Variants in MYO3B observed in about 807,000 individuals in gnomAD.
The protein encoded by MYO3B is myosin IIIB.
In MYO3B, 156 loss-of-function variants were observed where a neutral mutation model predicts 174.6. The ratio of observed to expected loss-of-function variants is 0.89; its 90% CI spans 0.78 to 1.02. The LOEUF is 1.02. MYO3B is among the 50% of genes least tolerant of loss of function. The pLI is 0.00. For synonymous variants in MYO3B, 563 were observed against 569.1 expected (o/e 0.99, Z 0.15); for missense variants, 1,632 against 1,639.4 (o/e 1.00, Z 0.08).
intron 30 of MYO3B, among the ~76,000 whole-genome samples, chr2:170,521,566 C>T (rs1575111073): frequency 6.6e-6 from 1 of 152,096 alleles, no homozygotes; most frequent in Non-Finnish European, 1.5e-5. Flanking sequence ...TTCGGCTGTC[C>T]TTCCTTCCTT....
rs1690288004 is a variant in MYO3B, at chr2:170,543,854, G to A, written c.3637-38G>A. 2.6e-6 allele frequency: 4 copies of A among 1,546,666 alleles called. No homozygotes were observed. In the African/African-American group the frequency reaches 5.4e-5, roughly 21 times the overall value. On this transcript the variant is annotated intron_variant, in intron 31 of 34. Transcript: ENST00000408978. ...TGTCCTTAAGGCTGTTTCATCAGAG[G>A]ATAAGAATAATATTTCTCTTACTGG...
At position 170,522,064 on chromosome 2, in the gene MYO3B, ATTC is replaced by A. The variant is rs1688701452; in HGVS notation, c.3575+2532_3575+2534del. Among the ~76,000 whole-genome samples the A allele has an allele frequency of 3.3e-5, 5 of 152,104 alleles. No homozygotes were observed. In the South Asian group the frequency reaches 1.0e-3, roughly 32 times the overall value. On this transcript the variant is annotated intron_variant, in intron 30 of 34. Transcript: ENST00000408978. ...CTCAGTCTTTGTTTTCTCTGGTTCCATTCTTCTTCTCTTCCGCTTACCATTAAA... is the reference window on the plus strand; with the variant it reads ...CTCAGTCTTTGTTTTCTCTGGTTCCATTCTTCTCTTCCGCTTACCATTAAA...
intron 7 of MYO3B, among the ~76,000 whole-genome samples, chr2:170,256,486 A>G (rs781011488): frequency 6.6e-6 from 1 of 152,152 alleles, no homozygotes; most frequent in Non-Finnish European, 1.5e-5. Context: ...TATTTTCACC[A>G]TTTTTCAAAG....
intron 23 of MYO3B, among the ~76,000 whole-genome samples, chr2:170,446,748 AGGTTTAT>A (rs1042717107): frequency 5.9e-5 from 9 of 152,278 alleles, no homozygotes; most frequent in African/African-American, 1.9e-4. Context: ...ACCCATCAAA[AGGTTTAT>A]GGCTGAGACC....
chr2:170,648,369 C>A (rs1698539751), intron 32 of MYO3B, among the ~76,000 whole-genome samples: 2 of 152,102 alleles, frequency 1.3e-5, no homozygotes, highest in South Asian at 4.1e-4. Flanking sequence ...GTGGCTCATG[C>A]CTGTAATCTC....
intron 22 of MYO3B, among the ~76,000 whole-genome samples, chr2:170,421,112 C>T (rs562070828): frequency 3.3e-5 from 5 of 152,200 alleles, no homozygotes; most frequent in South Asian, 2.1e-4. Context: ...ATAGAGAGTG[C>T]GATTTGTGGA....
At chr2:170,394,577 A>G (rs1051861866) in intron 16 of MYO3B, among the ~76,000 whole-genome samples, 2 of 152,182 alleles carry the variant, frequency 1.3e-5, no homozygotes, top group South Asian at 2.1e-4. Context: ...GATGGTGAAC[A>G]TTTTTCATTT....
chr2:170,350,987 A>C (rs997816763), intron 8 of MYO3B: 2 of 152,186 alleles, frequency 1.3e-5, no homozygotes, highest in Non-Finnish European at 2.9e-5. Context: ...AAGGCCAAAA[A>C]CATATTAAGA....
chr2:170,243,683 T>C (rs949876495), intron 7 of MYO3B, among the ~76,000 whole-genome samples: 3 of 152,228 alleles, frequency 2.0e-5, no homozygotes, highest in African/African-American at 7.2e-5. Context: ...AAGGAAAATA[T>C]CTCAAGGGCA....
rs144685664 is a variant in MYO3B at position 170,338,695 on chromosome 2, C to T, written c.815+3245C>T. Among the ~76,000 whole-genome samples the T allele has an allele frequency of 3.2e-3, 489 of 152,222 alleles. 1 individual carries two copies. The highest frequency in any genetic ancestry group is 0.011 in the African/African-American group (473 of 41,528). ...TTGGCTCACTGCAACCTTGGCCTCC[C>T]GGGATCAAATGATTCTTGTGCCTCA... is the stretch of plus-strand genomic sequence containing the variant. On this transcript the variant is annotated intron_variant, in intron 8 of 34. Coordinates refer to ENST00000408978, the MANE Select transcript of MYO3B (RefSeq NM_138995.5).
At chr2:170,622,548 A>G (rs1696015444) in intron 32 of MYO3B, among the ~76,000 whole-genome samples, 1 of 151,624 alleles carries the variant, frequency 6.6e-6, no homozygotes, top group Non-Finnish European at 1.5e-5. Context: ...AAATATGCAC[A>G]TTCTTACATT....
chr2:170,383,967 G>A (rs572213647), intron 12 of MYO3B, 153 bp downstream of exon 12: 2 of 612,508 alleles, frequency 3.3e-6, no homozygotes, highest in Non-Finnish European at 5.8e-6. Flanking sequence ...TGTGGAACTT[G>A]AGCATAGGTA....
chr2:170,318,382 T>A (rs2093790743), intron 7 of MYO3B, among the ~76,000 whole-genome samples: 1 of 152,190 alleles, frequency 6.6e-6, no homozygotes, highest in African/African-American at 2.4e-5. Flanking sequence ...ACACACTGAT[T>A]TAACTAAATA....
At chr2:170,532,349 T>G (rs948084450) in intron 30 of MYO3B, among the ~76,000 whole-genome samples, 3 of 152,204 alleles carry the variant, frequency 2.0e-5, no homozygotes, top group Non-Finnish European at 1.5e-5. Context: ...ATCTAGGAAT[T>G]TATTTTGCTA....
chr2:170,517,151 A>G (rs1487542372), intron 29 of MYO3B, among the ~76,000 whole-genome samples: 1 of 152,236 alleles, frequency 6.6e-6, no homozygotes, highest in Non-Finnish European at 1.5e-5. Context: ...CCTGTTCTTC[A>G]GCAAAGCTGG....
At chr2:170,494,695 T>C (rs1686725422) in intron 25 of MYO3B, among the ~76,000 whole-genome samples, 1 of 117,672 alleles carries the variant, frequency 8.5e-6, no homozygotes, top group African/African-American at 3.4e-5. Context: ...ACCGCTGTAC[T>C]CCAGCCTGGG....
At chr2:170,443,885 A>G (rs1357178688) in intron 22 of MYO3B, 82 bp from the exon 23 acceptor site, 6 of 1,169,866 alleles carry the variant, frequency 5.1e-6, no homozygotes, top group African/African-American at 3.0e-5. Flanking sequence ...AGAAAAATAC[A>G]AGGACCCAAA....
intron 1 of MYO3B, among the ~76,000 whole-genome samples, chr2:170,183,529 CT>C (rs1215522647): frequency 2.6e-5 from 4 of 152,044 alleles, no homozygotes. Context: ...TTTGAAATTG[CT>C]TGATTTCTAG....
intron 32 of MYO3B, among the ~76,000 whole-genome samples, chr2:170,596,294 C>T (rs1322432668): frequency 1.3e-5 from 2 of 152,170 alleles, no homozygotes; most frequent in Admixed American, 6.6e-5. Context: ...CTGAGGGGCA[C>T]CCCTACCTGA....
Sources: gnomAD v4.1 joint callset for allele counts (sites outside exome capture counted in the v4.1 genomes callset) on GRCh38, gnomAD v4.1.1 for gene constraint, MANE v1.5 for transcripts, NCBI Gene and HGNC (gene_info 2026-07-23, HGNC 2026-07-21) for gene names.